Variants in NELFA observed in about 807,000 individuals in gnomAD.
NELFA encodes negative elongation factor complex member A, also known as negative elongation factor A.
NELFA carries 35 observed loss-of-function variants against 51.8 expected under a neutral mutation model. The ratio of observed to expected loss-of-function variants is 0.68; its 90% confidence interval spans 0.52 to 0.90. NELFA has a LOEUF of 0.90. Ranked by LOEUF, NELFA falls within the 40% of genes least tolerant of loss-of-function variation. The pLI, the probability that NELFA is intolerant of heterozygous loss-of-function variation, is 0.00. For synonymous variants in NELFA, 417 were observed against 338.4 expected, an observed-to-expected ratio of 1.23 and a Z score of -2.55; for missense variants, 658 against 746.4, an observed-to-expected ratio of 0.88 and a Z score of 1.38.
At chr4:1,985,033 C>G (rs946107305) in intron 7 of NELFA, 114 bp from the exon 8 acceptor site, 6 of 748,944 alleles carry the variant, frequency 8.0e-6, no homozygotes, top group African/African-American at 5.3e-5. Context: ...CGAGCTAGAG[C>G]AGGAAGGCGG....
At chr4:1,984,149 C>A (rs767603544) in intron 8 of NELFA, 36 bp from the exon 9 acceptor site, 6 of 1,485,690 alleles carry the variant, frequency 4.0e-6, no homozygotes, top group Non-Finnish European at 5.3e-6. Context: ...GGGGGCTGGA[C>A]CCCCACCCTG....
intron 1 of NELFA, chr4:1,992,005 G>A (rs1728284931): frequency 5.9e-6 from 2 of 336,484 alleles, no homozygotes; most frequent in South Asian, 4.5e-5. Flanking sequence ...CTCTTCCACC[G>A]GTGCGCAGAT....
chr4:1,991,733 G>A lies in NELFA; in HGVS notation c.211-18C>T, dbSNP rs1412598550. ...CCCTTCATCTGCAAAATAGGATGCT[G>A]CCGGCGCCACCATGCCCCTGCCCAC... On this transcript the variant is annotated intron_variant, in intron 1 of 10. Coordinates refer to ENST00000382882, the MANE Select transcript of NELFA (RefSeq NM_005663.5). 6.4e-7 allele frequency: 1 copy of A among 1,571,446 alleles called. No homozygotes were observed. The highest frequency in any genetic ancestry group is 2.2e-5 in the East Asian group (1 of 44,450).
chr4:2,002,206 A>G (rs1243947307), intron 1 of NELFA, among the ~76,000 whole-genome samples: 1 of 152,194 alleles, frequency 6.6e-6, no homozygotes, highest in Non-Finnish European at 1.5e-5. Flanking sequence ...TCTCAGAAAA[A>G]AAAAGAAAAA....
Position 1,996,050 on chromosome 4 carries a change from G to C in NELFA, c.211-4335C>G, listed in dbSNP as rs570926559. ...ACATGATTATACAAATTGGCCTAAT[G>C]AACATCCACTGAGCAATGGATTTCA... is the stretch of plus-strand genomic sequence containing the variant. On this transcript the variant is annotated intron_variant, in intron 1 of 10. Coordinates refer to ENST00000382882, the MANE Select transcript of NELFA (RefSeq NM_005663.5). Among the ~76,000 whole-genome samples, 130 of 152,200 alleles carry C rather than the reference G, an allele frequency of 8.5e-4. 2 individuals carry two copies. Among genetic ancestry groups the C allele is most frequent in the African/African-American group, 2.9e-3 (122 of 41,520 alleles).
In NELFA at chr4:1,989,710, T is replaced by C. The variant is rs772905103; in HGVS notation, c.542A>G (p.Lys181Arg). 1.9e-6 allele frequency: 3 copies of C among 1,613,348 alleles called. No individual in the cohort carries two copies. Among genetic ancestry groups the C allele is most frequent in the Non-Finnish European group, 2.5e-6 (3 of 1,179,826 alleles). ...SATLRAELLQ[K>R]STETAQQLKR... ...CGATGGCGGCCGCGGCCACTCACACTTCTGCAGCAGCTCCGCCCGCAGCGT... is the reference window on the plus strand; with the variant it reads ...CGATGGCGGCCGCGGCCACTCACACCTCTGCAGCAGCTCCGCCCGCAGCGT... The change falls in exon 3 of 11, where the codon AAG (lysine) becomes AGG (arginine). Residue 181 changes from lysine to arginine, a missense_variant and splice_region_variant. Transcript: ENST00000382882. This position sits in a 1 kb window ranked among gnomAD's most constrained non-coding sequence, Gnocchi z 4.8.
chr4:2,002,108 G>A (rs1243287382), intron 1 of NELFA, among the ~76,000 whole-genome samples: 4 of 151,762 alleles, frequency 2.6e-5, no homozygotes, highest in African/African-American at 7.3e-5. Flanking sequence ...GCTGACGCAG[G>A]AGAATGGCGT....
Position 1,983,137 on chromosome 4 carries a change from T to C in NELFA, c.*182A>G, listed in dbSNP as rs192734720. 3.9e-5 allele frequency: 20 copies of C among 516,810 alleles called. 1 individual carries two copies. The Admixed American group carries it at 7.5e-4, about 19-fold the overall frequency. 32.0% of individuals were successfully genotyped at this position (516,810 alleles called of 1,614,324 possible). ...CAAAAAAGAACCCATATTAAAATTT[T>C]AAAAATAAGCCCCAAATACCCCAGA... On this transcript the variant is annotated 3_prime_UTR_variant, in exon 11 of 11. Transcript: ENST00000382882.
intron 7 of NELFA, among the ~76,000 whole-genome samples, chr4:1,985,347 T>C (rs1008093331): frequency 1.3e-5 from 2 of 152,208 alleles, no homozygotes; most frequent in Admixed American, 1.3e-4. Flanking sequence ...CTGCAGCCTC[T>C]GTGCACCTGC....
At chr4:1,987,638 C>T (rs923092672) in intron 4 of NELFA, 2 of 451,232 alleles carry the variant, frequency 4.4e-6, no homozygotes, top group Non-Finnish European at 7.7e-6. Context: ...GTCTCCATGC[C>T]CAGCGGTGTC....
intron 1 of NELFA, chr4:2,007,894 G>C (rs1485759948): frequency 1.3e-5 from 6 of 450,502 alleles, no homozygotes; most frequent in African/African-American, 1.2e-4. Context: ...TCAATAGTCT[G>C]CAAAACTACT....
intron 3 of NELFA, 60 bp from the exon 4 acceptor site, chr4:1,988,067 A>G (rs1728162933): frequency 2.8e-6 from 4 of 1,407,344 alleles, no homozygotes; most frequent in Non-Finnish European, 3.9e-6. Context: ...TGGCCCTTGT[A>G]AAAACATCTC....
At chr4:1,986,753 C>T (rs915437806) in intron 4 of NELFA, among the ~76,000 whole-genome samples, 1 of 99,316 alleles carries the variant, frequency 1.0e-5, no homozygotes, top group Non-Finnish European at 2.1e-5. Context: ...GCTTGAGGGC[C>T]GCCCTCCCAA....
intron 4 of NELFA, 131 bp from the exon 5 acceptor site, chr4:1,986,533 G>A (rs958537410): frequency 9.8e-6 from 14 of 1,427,230 alleles, no homozygotes; most frequent in South Asian, 3.9e-5. Context: ...GGCGGGCAGC[G>A]GGCAGGACCC....
intron 1 of NELFA, 42 bp downstream of exon 1, chr4:2,008,708 G>T: frequency 6.4e-7 from 1 of 1,569,522 alleles, no homozygotes; most frequent in Admixed American, 1.9e-5. Context: ...GAGGTGGGAA[G>T]GTTGGGAATC....
At chr4:1,991,336 C>A (rs73069124) in intron 2 of NELFA, among the ~76,000 whole-genome samples, 3,444 of 152,146 alleles carry the variant, frequency 0.023, 125 homozygotes, top group African/African-American at 0.079. Flanking sequence ...AGGATGGGGC[C>A]TGTGGGCTGT....
chr4:2,004,546 G>A (rs1186265579), intron 1 of NELFA, among the ~76,000 whole-genome samples: 1 of 151,994 alleles, frequency 6.6e-6, no homozygotes, highest in East Asian at 1.9e-4. Flanking sequence ...AGAGTGCAGT[G>A]ATGCAATCAT....
At position 1,989,611 on chromosome 4, in the gene NELFA, C is replaced by T. The variant is rs1406064228; in HGVS notation, c.544+97G>A. The T allele has an allele frequency of 8.8e-6, 12 of 1,362,014 alleles. No homozygotes were observed. The highest frequency in any genetic ancestry group is 4.7e-5 in the East Asian group (2 of 42,998). 84.4% of individuals were successfully genotyped at this position (1,362,014 alleles called of 1,614,324 possible). ...GTGAGCCACCATGCCTGGCCCAGAA[C>T]GCCACCTTGAAGGGGCAGTCTTGGT... On this transcript the variant is annotated intron_variant, in intron 3 of 10. Transcript: ENST00000382882. This position sits in a 1 kb window ranked among gnomAD's most constrained non-coding sequence, Gnocchi z 4.8.
At chr4:2,006,941 A>T (rs1728726065) in intron 1 of NELFA, 1 of 155,458 alleles carries the variant, frequency 6.4e-6, no homozygotes, top group Non-Finnish European at 1.4e-5. Context: ...AGCAGATTTG[A>T]ATATACAATT....
Sources: gnomAD v4.1 joint callset for allele counts (sites outside exome capture counted in the v4.1 genomes callset) on GRCh38, gnomAD v4.1.1 for gene constraint, Gnocchi (gnomAD v3.1) non-coding constraint, MANE v1.5 for transcripts, NCBI Gene and HGNC (gene_info 2026-07-23, HGNC 2026-07-21) for gene names.